Variants in NPNT observed in about 807,000 individuals in gnomAD.
The protein encoded by NPNT is preosteoblast EGF-like repeat protein with MAM domain.
NPNT carries 45 observed loss-of-function variants against 68.6 expected under a neutral mutation model. The ratio of observed to expected loss-of-function variants is 0.66; its 90% CI spans 0.52 to 0.84. NPNT has a LOEUF of 0.84. Among genes scored for constraint, NPNT ranks in the 40% least tolerant of loss-of-function variants. The pLI is 0.00. For missense variants in NPNT, 672 were observed against 714.8 expected (o/e 0.94, Z 0.68); for synonymous variants, 233 against 253.3 (o/e 0.92, Z 0.76).
At chr4:105,900,831 GTTGTTT>G (rs1228507656) in intron 2 of NPNT, among the ~76,000 whole-genome samples, 16 of 127,790 alleles carry the variant, frequency 1.3e-4, no homozygotes, top group African/African-American at 5.1e-4. Context: ...CATACCCTTG[GTTGTTT>G]TTTTTTTTTT....
At chr4:105,950,902 C>T (rs1560534526) in intron 8 of NPNT, among the ~76,000 whole-genome samples, 1 of 152,174 alleles carries the variant, frequency 6.6e-6, no homozygotes, top group Admixed American at 6.5e-5. Context: ...CGATTACAGG[C>T]GTGAGGCACT....
chr4:105,942,498 A>G lies in NPNT; in HGVS notation c.955A>G (p.Thr319Ala). Residue 319 changes from threonine to alanine, a missense_variant, in exon 8 of 12, where the codon ACA (threonine) becomes GCA (alanine). Physicochemically the swap from Thr to Ala is moderately conservative, Grantham distance 58 (BLOSUM62 0). Coordinates refer to ENST00000379987, the MANE Select transcript of NPNT (RefSeq NM_001033047.3). ...RPTSKPTTRPTPKPTPIPTPP... is the reference protein window; with the variant it reads ...RPTSKPTTRPAPKPTPIPTPP... ...TACTTCTAAGCCAACAACAAGACCTACACCAAAGCCAACACCAATTCCTAC... is the reference window on the plus strand; with the variant it reads ...TACTTCTAAGCCAACAACAAGACCTGCACCAAAGCCAACACCAATTCCTAC... 1 of 1,613,786 alleles carries G rather than the reference A, an allele frequency of 6.2e-7. No homozygotes were observed. Among genetic ancestry groups the G allele is most frequent in the Non-Finnish European group, 8.5e-7 (1 of 1,179,908 alleles).
chr4:105,906,871 C>G (rs1323986243), intron 2 of NPNT, among the ~76,000 whole-genome samples: 1 of 152,144 alleles, frequency 6.6e-6, no homozygotes, highest in Non-Finnish European at 1.5e-5. Context: ...TTGCTATATA[C>G]ATATTCATTT....
chr4:105,898,380 C>CTCTATCTT (rs58673636), intron 2 of NPNT, among the ~76,000 whole-genome samples: 1 of 112,464 alleles, frequency 8.9e-6, no homozygotes, highest in Non-Finnish European at 1.8e-5. Context: ...CTCTCTCTCT[C>CTCTATCTT]GCTGACTCGC....
intron 8 of NPNT, among the ~76,000 whole-genome samples, chr4:105,955,511 A>G (rs1248715306): frequency 6.6e-6 from 1 of 152,076 alleles, no homozygotes; most frequent in Admixed American, 6.5e-5. Flanking sequence ...ACCCTCTTTT[A>G]TTTAGATGTC....
At chr4:105,903,545 A>G (rs1384997288) in intron 2 of NPNT, among the ~76,000 whole-genome samples, 1 of 152,182 alleles carries the variant, frequency 6.6e-6, no homozygotes, top group Non-Finnish European at 1.5e-5. Flanking sequence ...ATATTAATTT[A>G]TTTTGTAGGA....
chr4:105,955,468 C>T lies in NPNT; in HGVS notation c.1160-3003C>T, dbSNP rs138477109. On this transcript the variant is annotated intron_variant, in intron 8 of 11. Coordinates refer to ENST00000379987, the MANE Select transcript of NPNT (RefSeq NM_001033047.3). The stretch of plus-strand genomic sequence containing the variant: ...GAGTAACCAAAATACAAATAACAGA[C>T]ATATAATTGCTATTTATATGTGATC... Among the ~76,000 whole-genome samples the T allele has an allele frequency of 1.3e-3, 201 of 152,284 alleles. 3 individuals are homozygous for T. The highest frequency in any genetic ancestry group is 5.8e-3 in the East Asian group (30 of 5,190).
intron 3 of NPNT, among the ~76,000 whole-genome samples, chr4:105,930,924 CACT>C (rs1390860203): frequency 6.6e-6 from 1 of 152,144 alleles, no homozygotes; most frequent in Non-Finnish European, 1.5e-5. Flanking sequence ...TGATCTTCCC[CACT>C]AAGTCATTTT....
At position 105,944,720 on chromosome 4, in the gene NPNT, T is replaced by TACAGA. The variant is rs1200712560; in HGVS notation, c.1159+2018_1159+2019insACAGA. Among the ~76,000 whole-genome samples the TACAGA allele has an allele frequency of 2.6e-5, 4 of 152,214 alleles. No homozygotes were observed. In the East Asian group the frequency reaches 7.7e-4, roughly 29 times the overall value. On this transcript the variant is annotated intron_variant, in intron 8 of 11. Transcript: ENST00000379987. ...CATGCCACAGATAGCATTGCTGCCT[T>TACAGA]TAGAAACTCCTGCCAAAAATTAAAT...
At chr4:105,896,568 G>A (rs1264187553) in intron 1 of NPNT, among the ~76,000 whole-genome samples, 1 of 152,160 alleles carries the variant, frequency 6.6e-6, no homozygotes, top group Non-Finnish European at 1.5e-5. Flanking sequence ...GCGAAAAGAG[G>A]TTTTACTCTG....
intron 4 of NPNT, 48 bp from the exon 5 acceptor site, chr4:105,938,253 A>G: frequency 6.3e-7 from 1 of 1,594,052 alleles, no homozygotes; most frequent in Non-Finnish European, 8.5e-7. Context: ...TTTCCATTAC[A>G]GATTTTGTTT....
chr4:105,902,460 T>G (rs1726497994), intron 2 of NPNT, among the ~76,000 whole-genome samples: 1 of 152,222 alleles, frequency 6.6e-6, no homozygotes, highest in Non-Finnish European at 1.5e-5. Flanking sequence ...CTAGCAGAAT[T>G]CTGGGGCCAG....
intron 8 of NPNT, among the ~76,000 whole-genome samples, chr4:105,944,339 A>AGTAATTATG (rs1449091314): frequency 1.3e-5 from 2 of 152,114 alleles, no homozygotes; most frequent in Non-Finnish European, 2.9e-5. Flanking sequence ...TGAGTGCTTA[A>AGTAATTATG]GTAATTATGG....
At chr4:105,915,527 A>T (rs1260149322) in intron 2 of NPNT, among the ~76,000 whole-genome samples, 1 of 152,162 alleles carries the variant, frequency 6.6e-6, no homozygotes, top group Non-Finnish European at 1.5e-5. Flanking sequence ...TGAGGATCAA[A>T]TGAGGAAACC....
chr4:105,958,999 C>A, intron 9 of NPNT, 29 bp from the exon 10 acceptor site: 2 of 1,382,594 alleles, frequency 1.4e-6, no homozygotes, highest in Non-Finnish European at 2.1e-6. Context: ...TTTTCTGATC[C>A]ACTCATCTTT....
At chr4:105,966,003 G>A (rs560405871) in intron 10 of NPNT, among the ~76,000 whole-genome samples, 24 of 118,320 alleles carry the variant, frequency 2.0e-4, no homozygotes, top group South Asian at 6.0e-4. Flanking sequence ...ATAGAGCTCC[G>A]ACGGGACTTG....
At chr4:105,907,538 G>A (rs537171027) in intron 2 of NPNT, among the ~76,000 whole-genome samples, 1 of 152,030 alleles carries the variant, frequency 6.6e-6, no homozygotes, top group African/African-American at 2.4e-5. Context: ...CTGTCTTCAC[G>A]GTAACAAACA....
At chr4:105,920,103 G>T (rs965259253) in intron 2 of NPNT, among the ~76,000 whole-genome samples, 1 of 151,960 alleles carries the variant, frequency 6.6e-6, no homozygotes, top group Non-Finnish European at 1.5e-5. Context: ...CGTAACCATA[G>T]ATTCTTTTTT....
chr4:105,967,164 A>G, intron 10 of NPNT, 24 bp from the exon 11 acceptor site: 1 of 1,612,384 alleles, frequency 6.2e-7, no homozygotes, highest in South Asian at 1.1e-5. Context: ...GCACATACAC[A>G]CAGCCCTGCT....
Sources: allele counts gnomAD v4.1 joint callset (sites outside exome capture counted in the v4.1 genomes callset), GRCh38; gene constraint gnomAD v4.1.1; transcripts MANE v1.5; gene names NCBI Gene and HGNC (gene_info 2026-07-23, HGNC 2026-07-21).